EDC3: variants seen among roughly 807,000 people sequenced by gnomAD.
EDC3 encodes the protein enhancer of mRNA decapping 3, also known as enhancer of mRNA-decapping protein 3.
EDC3 carries 20 observed loss-of-function variants against 41.8 expected under a neutral mutation model. The ratio of observed to expected loss-of-function variants is 0.48; its 90% confidence interval spans 0.34 to 0.70. The LOEUF (loss-of-function observed/expected upper bound fraction) is 0.70, where lower values mean the gene tolerates loss of function less well. EDC3 is among the 30% of genes least tolerant of loss of function. EDC3 has a pLI of 0.01. For missense variants in EDC3, 444 were observed against 636.8 expected, an observed-to-expected ratio of 0.70 and a Z score of 3.26; for synonymous variants, 206 against 243.2, an observed-to-expected ratio of 0.85 and a Z score of 1.42.
At chr15:74,663,698 CA>C (rs1286912414) in intron 3 of EDC3, among the ~76,000 whole-genome samples, 2,557 of 66,874 alleles carry the variant, frequency 0.038, 32 homozygotes, top group African/African-American at 0.096. Context: ...TGTTCAGTTT[CA>C]AAAAAAAAAA....
At chr15:74,656,684 C>G (rs924345270) in intron 3 of EDC3, among the ~76,000 whole-genome samples, 3 of 152,170 alleles carry the variant, frequency 2.0e-5, no homozygotes, top group African/African-American at 7.2e-5. Flanking sequence ...ACCTTTGAAG[C>G]TGAAAAGGCT....
intron 1 of EDC3, among the ~76,000 whole-genome samples, chr15:74,685,328 G>A (rs553721560): frequency 1.2e-4 from 18 of 152,180 alleles, no homozygotes; most frequent in African/African-American, 2.4e-4. Context: ...ACTTGAGCCC[G>A]GAAGGTCAAG....
chr15:74,667,576 TAAA>T (rs762908484), intron 3 of EDC3, among the ~76,000 whole-genome samples: 1 of 119,650 alleles, frequency 8.4e-6, no homozygotes. Flanking sequence ...ACCTAAGTAC[TAAA>T]AAAAAAAAAA....
chr15:74,669,498 C>CAAGG (rs2062715070), intron 3 of EDC3, among the ~76,000 whole-genome samples: 1 of 146,998 alleles, frequency 6.8e-6, no homozygotes, highest in Non-Finnish European at 1.5e-5. Context: ...GGCAACAGAG[C>CAAGG]AAGGCTCCAT....
intron 6 of EDC3, among the ~76,000 whole-genome samples, 192 bp from the exon 7 acceptor site, chr15:74,633,138 C>G (rs1209857496): frequency 6.6e-6 from 1 of 152,232 alleles, no homozygotes. Flanking sequence ...GGGCTGAGTG[C>G]TAGAGACCAA....
intron 2 of EDC3, among the ~76,000 whole-genome samples, chr15:74,673,548 G>T (rs1450673917): frequency 9.1e-3 from 1 of 110 alleles, no homozygotes; most frequent in Non-Finnish European, 0.013. Flanking sequence ...AAAGATTTGA[G>T]GTCTTGGCTG....
intron 3 of EDC3, 28 bp from the exon 4 acceptor site, chr15:74,656,096 G>C: frequency 6.3e-7 from 1 of 1,581,986 alleles, no homozygotes; most frequent in Non-Finnish European, 8.6e-7. Context: ...ACTAAAGTCA[G>C]TGTATCCACA....
intron 4 of EDC3, chr15:74,644,411 T>G (rs1043203799): frequency 6.6e-6 from 1 of 152,212 alleles, no homozygotes; most frequent in Non-Finnish European, 1.5e-5. Flanking sequence ...CTTACTTCCC[T>G]TCATTGCATT....
chr15:74,674,911 G>A (rs1455460188), intron 2 of EDC3, 50 bp downstream of exon 2: 1 of 1,606,430 alleles, frequency 6.2e-7, no homozygotes, highest in Admixed American at 1.7e-5. Context: ...CTAGGTTCAA[G>A]CTCCACAGAC....
chr15:74,673,757 A>G (rs8040560), intron 2 of EDC3, among the ~76,000 whole-genome samples: 133 of 151,446 alleles, frequency 8.8e-4, no homozygotes, highest in African/African-American at 3.1e-3. Context: ...GGAGAATGGC[A>G]TGAACCCGGG....
Position 74,640,475 on chromosome 15 carries a change from C to T in EDC3, c.965G>A (p.Gly322Glu). The T allele has an allele frequency of 6.2e-7, 1 of 1,614,010 alleles. No individual in the cohort carries two copies. Among genetic ancestry groups the T allele is most frequent in the Non-Finnish European group, 8.5e-7 (1 of 1,179,996 alleles). The change falls in exon 5 of 7, where the codon GGA becomes GAA. Residue 322 changes from glycine (G) to glutamate (E), a missense_variant. Physicochemically the swap from Gly to Glu is moderately conservative, Grantham distance 98 (BLOSUM62 -2). Coordinates refer to ENST00000315127, the MANE Select transcript of EDC3 (RefSeq NM_025083.5). ...GTTTATAGACATTTACCTGTTAGGT[C>T]CTCCGAGGAGGGTCAGTGCCATCTG... Reference protein sequence around the residue: ...ASQMALTLLGGPNRLNPKNVH... With the variant: ...ASQMALTLLGEPNRLNPKNVH...
Position 74,632,603 on chromosome 15 carries a change from AGGAACC to A in EDC3, c.*3_*8del, listed in dbSNP as rs1567149739. On this transcript the variant is annotated 3_prime_UTR_variant, in exon 7 of 7. Coordinates refer to ENST00000315127, the MANE Select transcript of EDC3 (RefSeq NM_025083.5). The surrounding 1 kb of genome is among the most constrained non-coding windows in gnomAD (Gnocchi z 4.0). The stretch of plus-strand genomic sequence containing the variant: ...GGGGACAGCAGAGTCCTGCCTGCGC[AGGAACC>A]CTCTAAGCAGAGTGCAGTGGGATAA... 1.9e-6 allele frequency: 3 copies of A among 1,609,750 alleles called. No homozygotes were observed. In the Admixed American group the frequency reaches 5.0e-5, roughly 27 times the overall value.
At chr15:74,635,932 T>G (rs2062267724) in intron 5 of EDC3, 1 of 372,080 alleles carries the variant, frequency 2.7e-6, no homozygotes, top group Non-Finnish European at 5.0e-6. Context: ...TAATAGTTCC[T>G]CTGCAGCCTT....
At chr15:74,676,886 C>T (rs2062811928) in intron 1 of EDC3, 1 of 152,134 alleles carries the variant, frequency 6.6e-6, no homozygotes, top group Non-Finnish European at 1.5e-5. Context: ...TGCTCTACAT[C>T]ATATCATCAG....
intron 1 of EDC3, among the ~76,000 whole-genome samples, chr15:74,690,764 T>A (rs989079785): frequency 1.3e-5 from 2 of 152,070 alleles, no homozygotes; most frequent in Non-Finnish European, 2.9e-5. Flanking sequence ...CTGGACAACA[T>A]AGCAAGACTG....
At chr15:74,648,605 T>G (rs1169919529) in intron 4 of EDC3, among the ~76,000 whole-genome samples, 1 of 152,178 alleles carries the variant, frequency 6.6e-6, no homozygotes, top group East Asian at 1.9e-4. Context: ...GTGCTGGAGC[T>G]CAGACCAGAG....
rs569728719 is a variant in EDC3 at position 74,692,698 on chromosome 15, A to T, written c.-19+3182T>A. ...TTCACAAATGCAAGATGGGTTTAAC[A>T]TCTGAAAATCAAGTAATGTAATAAG... On this transcript the variant is annotated intron_variant, in intron 1 of 6. Coordinates refer to ENST00000315127, the MANE Select transcript of EDC3 (RefSeq NM_025083.5). Among the ~76,000 whole-genome samples the T allele has an allele frequency of 1.3e-3, 194 of 152,340 alleles. 2 individuals are homozygous for T. Among genetic ancestry groups the T allele is most frequent in the African/African-American group, 4.3e-3 (177 of 41,582 alleles).
rs146009152 is a variant in EDC3, at chr15:74,654,228, T to C, written c.820+1505A>G. Among the ~76,000 whole-genome samples, 467 of 147,656 alleles carry C rather than the reference T, an allele frequency of 3.2e-3. 1 individual carries two copies. The highest frequency in any genetic ancestry group is 0.011 in the African/African-American group (440 of 39,772). ...GAGATTGCGCCATTGCACTCCAGCT[T>C]GGGCAACAGAGTGAGACTTCGTCTC... On this transcript the variant is annotated intron_variant, in intron 4 of 6. Coordinates refer to ENST00000315127, the MANE Select transcript of EDC3 (RefSeq NM_025083.5).
At chr15:74,668,505 TAAAAG>T (rs563232065) in intron 3 of EDC3, among the ~76,000 whole-genome samples, 1 of 152,070 alleles carries the variant, frequency 6.6e-6, no homozygotes, top group Non-Finnish European at 1.5e-5. Context: ...CAATTTCTGC[TAAAAG>T]AAAAAAGATT....
Sources: gnomAD v4.1 joint callset for allele counts (sites outside exome capture counted in the v4.1 genomes callset) on GRCh38, gnomAD v4.1.1 for gene constraint, Gnocchi (gnomAD v3.1) non-coding constraint, MANE v1.5 for transcripts, NCBI Gene and HGNC (gene_info 2026-07-23, HGNC 2026-07-21) for gene names.